HCK: variants seen among roughly 807,000 people sequenced by gnomAD.
HCK encodes the protein HCK proto-oncogene, Src family tyrosine kinase.
In HCK, 40 loss-of-function variants were observed where a neutral mutation model predicts 70.4. That is an observed-to-expected ratio of 0.57 (90% CI 0.44 to 0.74). The LOEUF is 0.74. HCK is among the 30% of genes least tolerant of loss of function. The pLI is 0.00. For synonymous variants in HCK, 245 were observed against 263.2 expected, an observed-to-expected ratio of 0.93 and a Z score of 0.67; for missense variants, 568 against 697.2, an observed-to-expected ratio of 0.81 and a Z score of 2.09.
intron 1 of HCK, among the ~76,000 whole-genome samples, chr20:32,058,388 C>T (rs529812478): frequency 1.1e-4 from 17 of 152,058 alleles, no homozygotes; most frequent in Admixed American, 7.9e-4. Flanking sequence ...AAAAATTAGC[C>T]GGGCGTGGTG....
In HCK at chr20:32,073,735, C is replaced by T. The variant is rs146350710; in HGVS notation, c.246C>T (p.Ile82=). 8 of 1,557,826 alleles carry T rather than the reference C, an allele frequency of 5.1e-6. No homozygotes were observed. The highest frequency in any genetic ancestry group is 3.4e-4 in the Middle Eastern group (2 of 5,952). Reference sequence around the variant, plus strand: ...TCCCAGCAGGCTCTGAGGACATCATCGTGGTTGCCCTGTATGATTACGAGG... The same window carrying T: ...TCCCAGCAGGCTCTGAGGACATCATTGTGGTTGCCCTGTATGATTACGAGG... The change falls in exon 4 of 13, where the codon ATC becomes ATT. Residue 82 remains isoleucine (I), a synonymous_variant. Coordinates refer to ENST00000375852, the MANE Select transcript of HCK (RefSeq NM_002110.5).
At chr20:32,094,837 G>GAAAGAAAGA (rs2045932278) in intron 11 of HCK, among the ~76,000 whole-genome samples, 1 of 113,254 alleles carries the variant, frequency 8.8e-6, no homozygotes, top group African/African-American at 3.1e-5. Context: ...AAGAAAGAAA[G>GAAAGAAAGA]AAAGAAAGAA....
chr20:32,092,179 C>T (rs2045873751), intron 10 of HCK, among the ~76,000 whole-genome samples: 1 of 151,970 alleles, frequency 6.6e-6, no homozygotes, highest in African/African-American at 2.4e-5. Flanking sequence ...CAGACTGCAC[C>T]CAGCTGCAGT....
intron 1 of HCK, 85 bp downstream of exon 1, chr20:32,052,571 C>T: frequency 9.7e-7 from 1 of 1,031,770 alleles, no homozygotes; most frequent in Non-Finnish European, 1.3e-6. Flanking sequence ...CTGGGGAGGG[C>T]TGGCTACGGG....
chr20:32,059,147 G>A (rs2045322666), intron 1 of HCK, among the ~76,000 whole-genome samples: 1 of 152,352 alleles, frequency 6.6e-6, no homozygotes, highest in South Asian at 2.1e-4. Context: ...CAACATACAT[G>A]TGTGTAAATG....
intron 1 of HCK, among the ~76,000 whole-genome samples, chr20:32,060,736 G>C (rs2122477696): frequency 6.6e-6 from 1 of 152,092 alleles, no homozygotes; most frequent in African/African-American, 2.4e-5. Context: ...CATACCCTGA[G>C]ATAGTTCAAG....
chr20:32,094,016 G>A lies in HCK; in HGVS notation c.1246G>A (p.Gly416Arg). 1 of 1,610,924 alleles carries A rather than the reference G, an allele frequency of 6.2e-7. No homozygotes were observed. Reference sequence around the variant, plus strand: ...GGACAACGAGTACACGGCTCGGGAAGGTAGGGAACGCTGCCAAGCAGCCCC... The same window carrying A: ...GGACAACGAGTACACGGCTCGGGAAAGTAGGGAACGCTGCCAAGCAGCCCC... The change falls in exon 11 of 13, where the codon GGG becomes AGG. Residue 416 changes from glycine (G) to arginine (R), a missense_variant and splice_region_variant. By Grantham distance (125) the Gly-to-Arg change is moderately radical (BLOSUM62 -2). Transcript: ENST00000375852.
At chr20:32,061,935 C>CCTTTT (rs1209657045) in intron 1 of HCK, among the ~76,000 whole-genome samples, 3 of 146,098 alleles carry the variant, frequency 2.1e-5, no homozygotes, top group Non-Finnish European at 4.5e-5. Context: ...ATCTGACTTA[C>CCTTTT]CTTTTTTTTT....
At chr20:32,098,194 C>T (rs1266401911) in intron 11 of HCK, among the ~76,000 whole-genome samples, 1 of 152,076 alleles carries the variant, frequency 6.6e-6, no homozygotes, top group Non-Finnish European at 1.5e-5. Context: ...AGGCACCTGC[C>T]ACCATGCCCA....
intron 1 of HCK, among the ~76,000 whole-genome samples, chr20:32,064,089 C>T (rs1045877602): frequency 3.3e-5 from 5 of 149,390 alleles, no homozygotes; most frequent in Admixed American, 6.7e-5. Context: ...CTGCAACCTC[C>T]ACCTCCCAGG....
rs1047266207 is a variant in HCK, at chr20:32,084,301, T to C, written c.683-90T>C. The C allele has an allele frequency of 1.2e-5, 17 of 1,382,970 alleles. No individual in the cohort carries two copies. The East Asian group carries it at 3.5e-4, about 28-fold the overall frequency. The allele number at this position is 1,382,970 out of a possible 1,614,324, so 85.7% of individuals were successfully genotyped here. A position where few individuals can be genotyped will look rare whatever the true frequency, so the allele number is the denominator to read the frequency against. ...GCAACCAGGTGGAACACTGGAGAGA[T>C]CCAGTGGACCAGGTAGGGCGGCCTC... is the stretch of plus-strand genomic sequence containing the variant. On this transcript the variant is annotated intron_variant, in intron 7 of 12. Coordinates refer to ENST00000375852, the MANE Select transcript of HCK (RefSeq NM_002110.5).
chr20:32,079,279 G>A (rs907621194), intron 5 of HCK, among the ~76,000 whole-genome samples: 2 of 152,190 alleles, frequency 1.3e-5, no homozygotes, highest in Non-Finnish European at 2.9e-5. Context: ...TGGTTGTAAA[G>A]CTAACAAAAC....
chr20:32,063,982 A>G (rs1030704176), intron 1 of HCK, among the ~76,000 whole-genome samples: 1 of 130,118 alleles, frequency 7.7e-6, no homozygotes, highest in African/African-American at 2.8e-5. Context: ...TCACATGCCC[A>G]TCTCTACTTC....
chr20:32,087,594 G>C (rs1041613274), intron 9 of HCK, among the ~76,000 whole-genome samples: 2 of 151,730 alleles, frequency 1.3e-5, no homozygotes, highest in East Asian at 3.9e-4. Context: ...AGTCTCCCCA[G>C]TAGCTGGCAC....
rs1361782622 is a variant in HCK at position 32,084,062 on chromosome 20, G to A, written c.682+19G>A. On this transcript the variant is annotated intron_variant, in intron 7 of 12. Coordinates refer to ENST00000375852, the MANE Select transcript of HCK (RefSeq NM_002110.5). ...TACAAGAGTGAGTCCCACCCCAGGG[G>A]TGACATCCCCACCACGATGGGCCCA... The A allele has an allele frequency of 5.6e-6, 9 of 1,610,350 alleles. No homozygotes were observed. Among genetic ancestry groups the A allele is most frequent in the African/African-American group, 2.7e-5 (2 of 74,842 alleles).
intron 9 of HCK, 152 bp from the exon 10 acceptor site, chr20:32,088,416 A>C (rs539233694): frequency 1.7e-6 from 1 of 584,850 alleles, no homozygotes. Context: ...TTTCTCAAAC[A>C]CTAGGAATTG....
At chr20:32,063,621 C>T (rs2045412179) in intron 1 of HCK, among the ~76,000 whole-genome samples, 1 of 152,124 alleles carries the variant, frequency 6.6e-6, no homozygotes, top group African/African-American at 2.4e-5. Context: ...CTCCCATCCT[C>T]ACCTACTCTA....
chr20:32,078,774 T>C (rs2045664612), intron 5 of HCK, among the ~76,000 whole-genome samples: 1 of 143,264 alleles, frequency 7.0e-6, no homozygotes, highest in Non-Finnish European at 1.5e-5. Flanking sequence ...AAATAATTGC[T>C]TGAACCCGAG....
At chr20:32,060,143 T>A (rs1157879062) in intron 1 of HCK, among the ~76,000 whole-genome samples, 2 of 152,126 alleles carry the variant, frequency 1.3e-5, no homozygotes, top group Non-Finnish European at 2.9e-5. Flanking sequence ...AGACTGCTCC[T>A]CTCCCAGCAG....
Sources: allele counts gnomAD v4.1 joint callset (sites outside exome capture counted in the v4.1 genomes callset), GRCh38; gene constraint gnomAD v4.1.1; transcripts MANE v1.5; gene names NCBI Gene and HGNC (gene_info 2026-07-23, HGNC 2026-07-21).